Variants in ESR1 observed in about 807,000 individuals in gnomAD.
ESR1 encodes estrogen receptor.
In ESR1, 12 loss-of-function variants were observed where a neutral mutation model predicts 52.7. The observed-to-expected ratio is 0.23, with a 90% CI of 0.15 to 0.37. The LOEUF (loss-of-function observed/expected upper bound fraction) is 0.37. Among genes scored for constraint, ESR1 ranks in the 10% least tolerant of loss-of-function variants. The pLI, the probability that ESR1 is intolerant of heterozygous loss-of-function variation, is 1.00. For missense variants in ESR1, 584 were observed against 779.7 expected, an observed-to-expected ratio of 0.75 and a Z score of 2.99; for synonymous variants, 305 against 316.8, an observed-to-expected ratio of 0.96 and a Z score of 0.39.
chr6:152,099,368 A>C lies in ESR1; in HGVS notation c.*402A>C, dbSNP rs34812787. On this transcript the variant is annotated 3_prime_UTR_variant, in exon 8 of 8. Coordinates refer to ENST00000206249, the MANE Select transcript of ESR1 (RefSeq NM_000125.4). ...TAAGCACTTTTTAAATGGCTCTAAG[A>C]ATAAGCCACAGCAAAGAATTTAAAG... is the stretch of plus-strand genomic sequence containing the variant. 0.013 allele frequency: 4,461 copies of C among 341,946 alleles called. 188 individuals are homozygous for C. The highest frequency in any genetic ancestry group is 0.083 in the African/African-American group (4,106 of 49,670). The allele number at this position is 341,946 out of a possible 1,614,324, so 21.2% of individuals were successfully genotyped here.
intron 2 of ESR1, among the ~76,000 whole-genome samples, chr6:151,851,534 T>TG (rs1252595211): frequency 1.7e-4 from 26 of 150,970 alleles, no homozygotes; most frequent in Admixed American, 1.4e-3. Flanking sequence ...GAAGGAGTTT[T>TG]TTTTTTTTTT....
rs144344597 is a variant in ESR1, at chr6:152,038,431, C to A, written c.1236-22560C>A. On this transcript the variant is annotated intron_variant, in intron 5 of 7. Coordinates refer to ENST00000206249, the MANE Select transcript of ESR1 (RefSeq NM_000125.4). ...CAATCAAGTTGGCACTCAATAATAA[C>A]CATCACAAGTCCACACCTTGTCAAC... Among the ~76,000 whole-genome samples the A allele has an allele frequency of 3.0e-4, 45 of 152,252 alleles. No homozygotes were observed. The East Asian group carries it at 8.3e-3, about 28-fold the overall frequency.
intron 2 of ESR1, among the ~76,000 whole-genome samples, chr6:151,755,885 C>T (rs1784247438): frequency 1.3e-5 from 2 of 152,130 alleles, no homozygotes; most frequent in African/African-American, 4.8e-5. Context: ...CCCGCTTCAG[C>T]CTCCCGAAGT....
intron 1 of ESR1, among the ~76,000 whole-genome samples, chr6:151,823,157 G>T (rs769406317): frequency 2.0e-5 from 3 of 152,278 alleles, no homozygotes; most frequent in Non-Finnish European, 2.9e-5. Context: ...TGAATGTCCT[G>T]TATTTTTGTT....
intron 6 of ESR1, among the ~76,000 whole-genome samples, chr6:152,090,052 C>T (rs1407521920): frequency 6.6e-6 from 1 of 152,198 alleles, no homozygotes; most frequent in Non-Finnish European, 1.5e-5. Flanking sequence ...CTGTTAGGGA[C>T]AGTGCCACTC....
intron 4 of ESR1, among the ~76,000 whole-genome samples, chr6:152,003,181 T>C (rs2042085941): frequency 6.6e-6 from 1 of 151,968 alleles, no homozygotes; most frequent in African/African-American, 2.4e-5. Flanking sequence ...ATTATTTTTT[T>C]GTGATCCCCA....
chr6:151,714,284 A>C (rs141502196), intron 2 of ESR1, among the ~76,000 whole-genome samples: 3,112 of 152,212 alleles, frequency 0.02, 38 homozygotes, highest in East Asian at 0.033. Flanking sequence ...AATAAGTGTG[A>C]TGTGGTGCTA....
intron 2 of ESR1, among the ~76,000 whole-genome samples, chr6:151,781,316 C>G (rs1786519404): frequency 6.6e-6 from 1 of 152,162 alleles, no homozygotes; most frequent in Non-Finnish European, 1.5e-5. Flanking sequence ...CTGGATGTGT[C>G]TACATGGTGG....
At chr6:151,711,408 A>G (rs1408602407) in intron 2 of ESR1, among the ~76,000 whole-genome samples, 4 of 151,962 alleles carry the variant, frequency 2.6e-5, no homozygotes, top group Non-Finnish European at 4.4e-5. Context: ...TTTTTAGTAG[A>G]GACGGGGTTT....
In ESR1 at chr6:151,880,668, T is replaced by C; in HGVS notation, c.657T>C (p.Tyr219=). 6.2e-7 allele frequency: 1 copy of C among 1,601,464 alleles called. No individual in the cohort carries two copies. ...FKRSIQGHND[Y]MCPATNQCTI... The stretch of plus-strand genomic sequence containing the variant: ...TGCTTTTAATAGGACATAACGACTA[T>C]ATGTGTCCAGCCACCAACCAGTGCA... The change falls in exon 3 of 8, where the codon TAT becomes TAC. Residue 219 remains tyrosine, a synonymous_variant. Transcript: ENST00000206249.
intron 2 of ESR1, among the ~76,000 whole-genome samples, chr6:151,733,372 T>C (rs1319118252): frequency 6.6e-6 from 1 of 152,186 alleles, no homozygotes; most frequent in Non-Finnish European, 1.5e-5. Flanking sequence ...GTCATGTCCA[T>C]TCCCTCTGCT....
At chr6:151,702,913 T>C (rs766861853) in intron 2 of ESR1, among the ~76,000 whole-genome samples, 4 of 152,198 alleles carry the variant, frequency 2.6e-5, no homozygotes, top group Non-Finnish European at 5.9e-5. Flanking sequence ...AGGCATGTGA[T>C]ATAAAAGATT....
intron 5 of ESR1, among the ~76,000 whole-genome samples, chr6:152,054,855 A>G (rs1041915629): frequency 6.6e-6 from 1 of 152,138 alleles, no homozygotes; most frequent in African/African-American, 2.4e-5. Flanking sequence ...AATGCTACAT[A>G]CTATTTGTTC....
At position 152,063,645 on chromosome 6, in the gene ESR1, G is replaced by A. The variant is rs1367364666; in HGVS notation, c.1369+2521G>A. Among the ~76,000 whole-genome samples, 4 of 152,176 alleles carry A rather than the reference G, an allele frequency of 2.6e-5. No homozygotes were observed. The East Asian group carries it at 7.7e-4, about 29-fold the overall frequency. On this transcript the variant is annotated intron_variant, in intron 6 of 7. Transcript: ENST00000206249. ...ATTTTTCTCCACAACTGGAGATATG[G>A]ATTTTTCTAAAAGTCCAACTGATTC... is the stretch of plus-strand genomic sequence containing the variant.
At chr6:151,878,586 G>A (rs1435265610) in intron 2 of ESR1, among the ~76,000 whole-genome samples, 3 of 152,148 alleles carry the variant, frequency 2.0e-5, no homozygotes, top group Non-Finnish European at 4.4e-5. Context: ...AAAGAGCTCT[G>A]TAGTTAAAAC....
intron 2 of ESR1, among the ~76,000 whole-genome samples, chr6:151,879,411 G>T (rs1036919624): frequency 1.3e-5 from 2 of 152,178 alleles, no homozygotes; most frequent in African/African-American, 4.8e-5. Flanking sequence ...GTGAAGAAAA[G>T]GAGATTTCAT....
chr6:151,980,303 T>G (rs1390474847), intron 4 of ESR1, among the ~76,000 whole-genome samples: 1 of 152,188 alleles, frequency 6.6e-6, no homozygotes, highest in Non-Finnish European at 1.5e-5. Flanking sequence ...AAAGCACTTG[T>G]TAGAGTGTCC....
chr6:151,925,404 C>T (rs1305739088), intron 3 of ESR1, among the ~76,000 whole-genome samples: 5 of 152,044 alleles, frequency 3.3e-5, no homozygotes, highest in Non-Finnish European at 7.4e-5. Flanking sequence ...GTCAGGAGTT[C>T]GAGACCATTC....
chr6:152,097,409 A>G (rs1310757438), intron 7 of ESR1, among the ~76,000 whole-genome samples: 1 of 152,078 alleles, frequency 6.6e-6, no homozygotes, highest in Admixed American at 6.6e-5. Context: ...ATGAAAAAAA[A>G]AAAAAGTAAC....
Sources: allele counts gnomAD v4.1 joint callset (sites outside exome capture counted in the v4.1 genomes callset), GRCh38; gene constraint gnomAD v4.1.1; transcripts MANE v1.5; gene names NCBI Gene and HGNC (gene_info 2026-07-23, HGNC 2026-07-21).